Variants in TMEM163 observed in about 807,000 individuals in gnomAD.
The protein encoded by TMEM163 is transmembrane protein 163.
TMEM163 carries 17 observed loss-of-function variants against 29.3 expected under a neutral mutation model. The ratio of observed to expected loss-of-function variants is 0.58; its 90% confidence interval spans 0.40 to 0.87. The LOEUF is 0.87. TMEM163 is among the 40% of genes least tolerant of loss of function. The pLI, the probability that TMEM163 is intolerant of heterozygous loss-of-function variation, is 0.00. For missense variants in TMEM163, 303 were observed against 381.5 expected, an observed-to-expected ratio of 0.79 and a Z score of 1.71; for synonymous variants, 157 against 160.6, an observed-to-expected ratio of 0.98 and a Z score of 0.17.
intron 4 of TMEM163, among the ~76,000 whole-genome samples, chr2:134,531,291 G>A (rs1367516076): frequency 2.0e-5 from 3 of 152,288 alleles, no homozygotes; most frequent in East Asian, 3.9e-4. Flanking sequence ...AACAGCAACC[G>A]TGACAGACTT....
At chr2:134,638,536 C>G (rs1395268762) in intron 2 of TMEM163, among the ~76,000 whole-genome samples, 2 of 152,076 alleles carry the variant, frequency 1.3e-5, no homozygotes, top group African/African-American at 2.4e-5. Context: ...GGAGAAAGAC[C>G]ATTTAGGAGG....
rs183325739 is a variant in TMEM163 at position 134,625,150 on chromosome 2, G to A, written c.323-73059C>T. Reference sequence around the variant, plus strand: ...ACAGAGAAAGGGAGAGAGAAAGAGAGAATGTACATACTGCACAGAAAATAG... The same window carrying A: ...ACAGAGAAAGGGAGAGAGAAAGAGAAAATGTACATACTGCACAGAAAATAG... On this transcript the variant is annotated intron_variant, in intron 2 of 7. Transcript: ENST00000281924. 7.1e-4 allele frequency among the ~76,000 whole-genome samples: 108 copies of A among 152,240 alleles called. No individual in the cohort carries two copies. In the Middle Eastern group the frequency reaches 0.01, roughly 14 times the overall value.
At position 134,552,039 on chromosome 2, in the gene TMEM163, G is replaced by T. The variant is rs202247641; in HGVS notation, c.366+9C>A. 9.4e-5 allele frequency: 152 copies of T among 1,612,650 alleles called. No individual in the cohort carries two copies. The African/African-American group carries it at 1.7e-3, about 18-fold the overall frequency. ...AAAACTTGATGAAAGTACATTTCAGGTTACTTACTGCAAACCCAAAAGCAG... is the reference window on the plus strand; with the variant it reads ...AAAACTTGATGAAAGTACATTTCAGTTTACTTACTGCAAACCCAAAAGCAG... On this transcript the variant is annotated intron_variant, in intron 3 of 7. Coordinates refer to ENST00000281924, the MANE Select transcript of TMEM163 (RefSeq NM_030923.5).
chr2:134,712,506 C>T (rs976723283), intron 2 of TMEM163, among the ~76,000 whole-genome samples: 7 of 151,884 alleles, frequency 4.6e-5, no homozygotes, highest in Admixed American at 1.3e-4. Flanking sequence ...CAAGGTTGAG[C>T]TGTAACTGAC....
At chr2:134,652,860 G>A (rs1316117196) in intron 2 of TMEM163, among the ~76,000 whole-genome samples, 3 of 79,336 alleles carry the variant, frequency 3.8e-5, no homozygotes, top group East Asian at 2.9e-4. Context: ...ATTGATTTGC[G>A]TATATTGAAC....
At chr2:134,469,736 C>G (rs539952600) in intron 5 of TMEM163, 18 of 152,586 alleles carry the variant, frequency 1.2e-4, no homozygotes, top group African/African-American at 4.1e-4. Flanking sequence ...TTCGCTGAGT[C>G]ATAAGCCAGG....
chr2:134,510,406 A>G (rs1679921041), intron 4 of TMEM163, among the ~76,000 whole-genome samples: 1 of 152,142 alleles, frequency 6.6e-6, no homozygotes, highest in Non-Finnish European at 1.5e-5. Context: ...CCATGATGTG[A>G]TCTGGGCTTT....
chr2:134,527,416 GA>G (rs1680319548), intron 4 of TMEM163, among the ~76,000 whole-genome samples: 1 of 151,934 alleles, frequency 6.6e-6, no homozygotes, highest in African/African-American at 2.4e-5. Context: ...AAAACCTTCA[GA>G]AAAAAATACA....
At chr2:134,630,253 A>G (rs1421914988) in intron 2 of TMEM163, among the ~76,000 whole-genome samples, 1 of 152,066 alleles carries the variant, frequency 6.6e-6, no homozygotes, top group East Asian at 1.9e-4. Context: ...ACGAGACAAC[A>G]CATGATAAGT....
intron 5 of TMEM163, among the ~76,000 whole-genome samples, chr2:134,486,744 A>G (rs1409143953): frequency 1.3e-5 from 2 of 152,238 alleles, no homozygotes; most frequent in Non-Finnish European, 2.9e-5. Context: ...AGTTCATTAC[A>G]TGTGGTACAA....
intron 2 of TMEM163, among the ~76,000 whole-genome samples, chr2:134,571,361 A>G (rs942332414): frequency 1.3e-5 from 2 of 152,184 alleles, no homozygotes; most frequent in African/African-American, 4.8e-5. Flanking sequence ...TTGACCACAG[A>G]ACAGGGGAGC....
At chr2:134,493,751 A>G (rs1558921805) in intron 5 of TMEM163, among the ~76,000 whole-genome samples, 2 of 152,258 alleles carry the variant, frequency 1.3e-5, no homozygotes, top group East Asian at 3.9e-4. Flanking sequence ...TAGAAGTTGT[A>G]TAGTTTCAGG....
At chr2:134,462,940 C>T (rs75858111) in intron 6 of TMEM163, among the ~76,000 whole-genome samples, 5 of 152,142 alleles carry the variant, frequency 3.3e-5, no homozygotes, top group African/African-American at 4.8e-5. Flanking sequence ...ACCCCAACTG[C>T]GGTCAGTGAG....
At chr2:134,505,239 CTTTT>C (rs78772358) in intron 4 of TMEM163, among the ~76,000 whole-genome samples, 50 of 130,212 alleles carry the variant, frequency 3.8e-4, no homozygotes, top group Non-Finnish European at 3.6e-4. Flanking sequence ...TGGGGAATTC[CTTTT>C]TTTTTTTTTT....
intron 5 of TMEM163, among the ~76,000 whole-genome samples, chr2:134,501,437 A>G (rs1200553890): frequency 6.6e-6 from 1 of 152,230 alleles, no homozygotes; most frequent in African/African-American, 2.4e-5. Context: ...CCCCTATCAC[A>G]TGAGCCCTGC....
intron 2 of TMEM163, among the ~76,000 whole-genome samples, chr2:134,702,985 G>A (rs1684735262): frequency 6.6e-6 from 1 of 152,118 alleles, no homozygotes; most frequent in African/African-American, 2.4e-5. Flanking sequence ...AGAACTCTAA[G>A]GGAACATTAT....
In TMEM163 at chr2:134,655,418, T is replaced by C. The variant is rs1216380967; in HGVS notation, c.322+57782A>G. 2.8e-5 allele frequency among the ~76,000 whole-genome samples: 3 copies of C among 108,452 alleles called. No homozygotes were observed. The East Asian group carries it at 6.8e-4, about 24-fold the overall frequency. The allele number at this position is 108,452 out of a possible 152,430, so 71.1% of individuals were successfully genotyped here. ...CTCCATCAGCTCCTTTAAGCACTTC[T>C]CTGTATTGGTTATTCTAGTTATACA... On this transcript the variant is annotated intron_variant, in intron 2 of 7. Coordinates refer to ENST00000281924, the MANE Select transcript of TMEM163 (RefSeq NM_030923.5).
rs1159013721 is a variant in TMEM163, at chr2:134,493,362, C to CTTTTTTTTTTTT, written c.555+9527_555+9538dup. On this transcript the variant is annotated intron_variant, in intron 5 of 7. Transcript: ENST00000281924. ...GACTTATGGTTCAAGCTTTTGGTGT[C>CTTTTTTTTTTTT]TTTTTTTTTTTTTTTTTTTTTTTTT... Among the ~76,000 whole-genome samples, 20 of 49,848 alleles carry CTTTTTTTTTTTT rather than the reference C, an allele frequency of 4.0e-4. 4 individuals are homozygous for CTTTTTTTTTTTT. The highest frequency in any genetic ancestry group is 1.3e-3 in the African/African-American group (15 of 11,230). 32.7% of individuals were successfully genotyped at this position (49,848 alleles called of 152,430 possible).
Position 134,478,188 on chromosome 2 carries a change from A to G in TMEM163, c.556-11963T>C, listed in dbSNP as rs148442343. 1.7e-3 allele frequency among the ~76,000 whole-genome samples: 253 copies of G among 152,308 alleles called. 1 individual carries two copies. Among genetic ancestry groups the G allele is most frequent in the Non-Finnish European group, 2.7e-3 (182 of 68,034 alleles). On this transcript the variant is annotated intron_variant, in intron 5 of 7. Coordinates refer to ENST00000281924, the MANE Select transcript of TMEM163 (RefSeq NM_030923.5). ...TCCAGCAGATGTTGGTGCCATGATT[A>G]TACAGCCTGTAGAACCATGAGTCAG...
Sources: allele counts gnomAD v4.1 joint callset (sites outside exome capture counted in the v4.1 genomes callset), GRCh38; gene constraint gnomAD v4.1.1; transcripts MANE v1.5; gene names NCBI Gene and HGNC (gene_info 2026-07-23, HGNC 2026-07-21).